The following RFX3 variants were observed in gnomAD, a reference collection of about 807,000 sequenced individuals.
RFX3 encodes regulatory factor X3.
Under a neutral mutation model 98.6 loss-of-function variants are expected in RFX3, and 14 were observed. That is an observed-to-expected ratio of 0.14 (90% confidence interval 0.09 to 0.22). The LOEUF is 0.22. Among genes scored for constraint, RFX3 ranks in the 10% least tolerant of loss-of-function variants. RFX3 has a pLI of 1.00. For synonymous variants in RFX3, 383 were observed against 328.4 expected (o/e 1.17, Z -1.80); for missense variants, 639 against 926.9 (o/e 0.69, Z 4.03).
intron 4 of RFX3, among the ~76,000 whole-genome samples, chr9:3,304,882 T>C (rs987290307): frequency 1.3e-5 from 2 of 152,038 alleles, no homozygotes; most frequent in Non-Finnish European, 2.9e-5. Context: ...ACAAGCATAG[T>C]TCAGAAAGGT....
At chr9:3,283,420 C>A (rs990481314) in intron 7 of RFX3, among the ~76,000 whole-genome samples, 3 of 151,084 alleles carry the variant, frequency 2.0e-5, no homozygotes, top group African/African-American at 7.4e-5. Flanking sequence ...GATGAAGAAA[C>A]TGAGGCTCAG....
chr9:3,327,466 A>T (rs981679079), intron 4 of RFX3, among the ~76,000 whole-genome samples: 1 of 152,156 alleles, frequency 6.6e-6, no homozygotes, highest in African/African-American at 2.4e-5. Flanking sequence ...TACAATAAAC[A>T]CTAGCAGAAG....
intron 1 of RFX3, among the ~76,000 whole-genome samples, chr9:3,512,380 T>C (rs936375506): frequency 6.6e-6 from 1 of 152,076 alleles, no homozygotes; most frequent in Non-Finnish European, 1.5e-5. Context: ...GTTTTAAATG[T>C]TCCAAAATAT....
At chr9:3,499,458 A>G (rs953043062) in intron 1 of RFX3, among the ~76,000 whole-genome samples, 1 of 152,090 alleles carries the variant, frequency 6.6e-6, no homozygotes, top group Non-Finnish European at 1.5e-5. Flanking sequence ...ATACCAGCCT[A>G]TCATATGCAC....
intron 1 of RFX3, among the ~76,000 whole-genome samples, chr9:3,422,166 T>C (rs972699387): frequency 3.9e-5 from 6 of 152,160 alleles, no homozygotes; most frequent in African/African-American, 1.4e-4. Context: ...ACGTGAAAAC[T>C]CTTCAGCTAA....
At position 3,330,239 on chromosome 9, in the gene RFX3, C is replaced by A. The variant is rs111575189; in HGVS notation, c.474+20G>T. The A allele has an allele frequency of 6.2e-7, 1 of 1,613,174 alleles. No homozygotes were observed. Among genetic ancestry groups the A allele is most frequent in the Non-Finnish European group, 8.5e-7 (1 of 1,179,436 alleles). The stretch of plus-strand genomic sequence containing the variant: ...GACTATTAAAAGCTAAACTAAACTA[C>A]TAAAAATTCAAATACTTACTGTCGC... On this transcript the variant is annotated intron_variant, in intron 4 of 16. Coordinates refer to ENST00000617270, the MANE Select transcript of RFX3 (RefSeq NM_001282116.2).
intron 3 of RFX3, among the ~76,000 whole-genome samples, chr9:3,332,502 C>G (rs912476881): frequency 6.6e-6 from 1 of 152,180 alleles, no homozygotes. Flanking sequence ...GATGATCAAC[C>G]TGTAATTGCC....
At chr9:3,501,713 A>G (rs948030732) in intron 1 of RFX3, among the ~76,000 whole-genome samples, 2 of 151,516 alleles carry the variant, frequency 1.3e-5, no homozygotes, top group African/African-American at 4.8e-5. Flanking sequence ...ATGTATCACC[A>G]TACCCAGCTA....
At chr9:3,235,072 T>G (rs1818955609) in intron 15 of RFX3, among the ~76,000 whole-genome samples, 1 of 152,216 alleles carries the variant, frequency 6.6e-6, no homozygotes, top group South Asian at 2.1e-4. Context: ...TTGTACGCAT[T>G]CGTGGATGAA....
chr9:3,337,265 A>G (rs916538455), intron 3 of RFX3, among the ~76,000 whole-genome samples: 1 of 152,232 alleles, frequency 6.6e-6, no homozygotes, highest in African/African-American at 2.4e-5. Flanking sequence ...TCTTATTGGA[A>G]GCTTGCTCAG....
At chr9:3,493,702 T>A (rs959497901) in intron 1 of RFX3, among the ~76,000 whole-genome samples, 336 of 90,244 alleles carry the variant, frequency 3.7e-3, no homozygotes, top group Middle Eastern at 6.2e-3. Flanking sequence ...AAAAAAAAAA[T>A]ATATATATAT....
intron 1 of RFX3, among the ~76,000 whole-genome samples, chr9:3,479,178 T>G (rs1172436362): frequency 6.6e-6 from 1 of 152,184 alleles, no homozygotes; most frequent in Non-Finnish European, 1.5e-5. Context: ...ATTCACTAGT[T>G]TTCTCTTGGA....
intron 15 of RFX3, among the ~76,000 whole-genome samples, chr9:3,244,250 C>A (rs996918008): frequency 1.3e-5 from 2 of 152,124 alleles, no homozygotes; most frequent in African/African-American, 4.8e-5. Flanking sequence ...AGGTGATCCA[C>A]CCGCCTTGTC....
chr9:3,410,160 A>ACT (rs1039636171), intron 1 of RFX3, among the ~76,000 whole-genome samples: 8 of 25,706 alleles, frequency 3.1e-4, no homozygotes, highest in South Asian at 1.8e-3. Context: ...AGTGAGATAA[A>ACT]CTGTGTGTGT....
intron 1 of RFX3, among the ~76,000 whole-genome samples, chr9:3,400,864 G>A (rs1841411724): frequency 6.6e-6 from 1 of 152,150 alleles, no homozygotes; most frequent in African/African-American, 2.4e-5. Context: ...GGCACAAATG[G>A]ATTAAATAAC....
chr9:3,304,799 AGTCTCAGATAT>A (rs1259243613), intron 4 of RFX3, among the ~76,000 whole-genome samples: 9 of 152,030 alleles, frequency 5.9e-5, no homozygotes, highest in Non-Finnish European at 1.2e-4. Context: ...TAAATTACCC[AGTCTCAGATAT>A]GTCTTTATCA....
intron 1 of RFX3, among the ~76,000 whole-genome samples, chr9:3,512,064 T>C (rs1817710728): frequency 6.6e-6 from 1 of 152,046 alleles, no homozygotes; most frequent in South Asian, 2.1e-4. Flanking sequence ...CCCTTAAATA[T>C]ATACCCTTAA....
At chr9:3,509,353 A>G (rs892883915) in intron 1 of RFX3, among the ~76,000 whole-genome samples, 4 of 151,996 alleles carry the variant, frequency 2.6e-5, no homozygotes, top group African/African-American at 4.8e-5. Context: ...AATTAAATGA[A>G]TGTTTACAAA....
chr9:3,407,639 T>C (rs1842083849), intron 1 of RFX3, among the ~76,000 whole-genome samples: 2 of 152,148 alleles, frequency 1.3e-5, no homozygotes, highest in African/African-American at 4.8e-5. Flanking sequence ...ACACCAACTA[T>C]TATGTAGTCC....
Sources: gnomAD v4.1 joint callset for allele counts (sites outside exome capture counted in the v4.1 genomes callset) on GRCh38, gnomAD v4.1.1 for gene constraint, MANE v1.5 for transcripts, NCBI Gene and HGNC (gene_info 2026-07-23, HGNC 2026-07-21) for gene names.